SORCS2: variants seen among roughly 807,000 people sequenced by gnomAD.
SORCS2 encodes the protein sortilin related VPS10 domain containing receptor 2, also known as VPS10 domain-containing receptor SorCS2.
A neutral mutation model predicts 141.6 loss-of-function variants in SORCS2; 100 were observed. That is an observed-to-expected ratio of 0.71 (90% confidence interval 0.60 to 0.83). The LOEUF (loss-of-function observed/expected upper bound fraction) is 0.83, where lower values mean the gene tolerates loss of function less well. Ranked by LOEUF, SORCS2 falls within the 40% of genes least tolerant of loss-of-function variation. The probability of loss-of-function intolerance (pLI) is 0.00; values close to 1 mark genes in which losing one functional copy is unlikely to be tolerated. For synonymous variants in SORCS2, 789 were observed against 676.9 expected, an observed-to-expected ratio of 1.17 and a Z score of -2.57; for missense variants, 1,646 against 1,560.2, an observed-to-expected ratio of 1.05 and a Z score of -0.93.
In SORCS2 at chr4:7,325,661, C is replaced by T. The variant is rs893316338; in HGVS notation, c.481-70627C>T. ...CACTATACCTTGGGGACATGCACGG[C>T]GCTCTGGAAGGCCCCTTGGCAGGGC... On this transcript the variant is annotated intron_variant, in intron 1 of 26. Coordinates refer to ENST00000507866, the MANE Select transcript of SORCS2 (RefSeq NM_020777.3). Among the ~76,000 whole-genome samples the T allele has an allele frequency of 5.3e-5, 8 of 152,282 alleles. No individual in the cohort carries two copies. The South Asian group carries it at 8.3e-4, about 16-fold the overall frequency.
At position 7,638,370 on chromosome 4, in the gene SORCS2, CT is replaced by C; in HGVS notation, c.692del (p.Leu231HisfsTer23). On this transcript the variant is annotated frameshift_variant, in exon 4 of 27. Transcript: ENST00000507866. LOFTEE classifies it high-confidence loss of function. ...CTCACTCAGTGACCGGGACCAGAGC[CT>C]ATTCCTCAGCGCAGACGAAGGCGCC... ...SSSLSDRDQS[L>X]FLSADEGATF... 6.5e-7 allele frequency: 1 copy of C among 1,550,134 alleles called. No individual in the cohort carries two copies.
intron 3 of SORCS2, among the ~76,000 whole-genome samples, chr4:7,625,507 G>A (rs1231259550): frequency 6.6e-6 from 1 of 151,928 alleles, no homozygotes; most frequent in East Asian, 1.9e-4. Flanking sequence ...ACTAGAAGGA[G>A]TTCAAGTTCA....
chr4:7,282,184 C>A (rs886943774), intron 1 of SORCS2, among the ~76,000 whole-genome samples: 1 of 152,216 alleles, frequency 6.6e-6, no homozygotes, highest in African/African-American at 2.4e-5. Context: ...ATGGGAAGAT[C>A]CTATCAGTGC....
At chr4:7,428,582 T>A (rs528505924) in intron 2 of SORCS2, among the ~76,000 whole-genome samples, 61 of 152,188 alleles carry the variant, frequency 4.0e-4, no homozygotes, top group African/African-American at 1.4e-3. Flanking sequence ...GAGGTGATGC[T>A]GGGCAGGGTT....
chr4:7,272,435 A>AATCAATG (rs1715204985), intron 1 of SORCS2, among the ~76,000 whole-genome samples: 1 of 152,252 alleles, frequency 6.6e-6, no homozygotes, highest in Non-Finnish European at 1.5e-5. Flanking sequence ...GAGGTCTTAG[A>AATCAATG]ATCAATGAAA....
At chr4:7,396,461 T>A in intron 2 of SORCS2, 106 bp downstream of exon 2, 2 of 1,183,984 alleles carry the variant, frequency 1.7e-6, no homozygotes, top group Non-Finnish European at 2.4e-6. Flanking sequence ...GCAGCCCCTG[T>A]GAGTCAGTGG....
rs534924986 is a variant in SORCS2 at position 7,197,228 on chromosome 4, G to C, written c.480+4102G>C. ...TAAGGGCACCAGTCATATTGGATCA[G>C]GGCTTATTCTAACCACCTCATTTTA... is the stretch of plus-strand genomic sequence containing the variant. On this transcript the variant is annotated intron_variant, in intron 1 of 26. Transcript: ENST00000507866. 3.9e-5 allele frequency among the ~76,000 whole-genome samples: 6 copies of C among 152,254 alleles called. No individual in the cohort carries two copies. In the East Asian group the frequency reaches 1.2e-3, roughly 29 times the overall value.
chr4:7,284,677 G>C (rs2108865648), intron 1 of SORCS2, among the ~76,000 whole-genome samples: 1 of 152,290 alleles, frequency 6.6e-6, no homozygotes. Context: ...GCTCATACAG[G>C]CTGTTTATGG....
At chr4:7,324,135 G>C (rs558234748) in intron 1 of SORCS2, among the ~76,000 whole-genome samples, 2 of 152,360 alleles carry the variant, frequency 1.3e-5, no homozygotes, top group East Asian at 3.9e-4. Flanking sequence ...TTCAAACCCA[G>C]GCAGTCTGGC....
At chr4:7,603,832 C>T (rs1717888631) in intron 3 of SORCS2, among the ~76,000 whole-genome samples, 1 of 152,130 alleles carries the variant, frequency 6.6e-6, no homozygotes, top group Non-Finnish European at 1.5e-5. Flanking sequence ...GCATTGCTAA[C>T]ATGGGGTCTG....
At chr4:7,458,724 G>A (rs1006175112) in intron 2 of SORCS2, among the ~76,000 whole-genome samples, 1 of 152,142 alleles carries the variant, frequency 6.6e-6, no homozygotes, top group Non-Finnish European at 1.5e-5. Context: ...CCAGCCAGGA[G>A]GAGCCCACTG....
intron 2 of SORCS2, among the ~76,000 whole-genome samples, chr4:7,403,720 T>C (rs1399113644): frequency 1.3e-5 from 2 of 151,570 alleles, no homozygotes; most frequent in African/African-American, 4.8e-5. Context: ...CTCATTTAAT[T>C]CCATAATCTT....
At chr4:7,540,277 G>A (rs2109582066) in intron 3 of SORCS2, among the ~76,000 whole-genome samples, 2 of 149,732 alleles carry the variant, frequency 1.3e-5, no homozygotes, top group South Asian at 4.2e-4. Context: ...GGCCCGCCTA[G>A]GGTTTTCCTT....
intron 11 of SORCS2, among the ~76,000 whole-genome samples, chr4:7,693,861 C>T (rs967303049): frequency 1.6e-4 from 24 of 152,232 alleles, no homozygotes; most frequent in Admixed American, 8.5e-4. Context: ...GGGCGAGAAG[C>T]CCTTGGGCCT....
intron 2 of SORCS2, among the ~76,000 whole-genome samples, chr4:7,528,894 C>A (rs1733860912): frequency 6.6e-6 from 1 of 152,180 alleles, no homozygotes; most frequent in South Asian, 2.1e-4. Flanking sequence ...TCTCTCCCAG[C>A]ATCCGGTGGC....
At chr4:7,290,250 C>T (rs1716517906) in intron 1 of SORCS2, among the ~76,000 whole-genome samples, 2 of 152,146 alleles carry the variant, frequency 1.3e-5, no homozygotes, top group Non-Finnish European at 2.9e-5. Flanking sequence ...ACACAGCGCC[C>T]GTCTACCTGG....
intron 4 of SORCS2, among the ~76,000 whole-genome samples, chr4:7,645,220 G>A (rs1314551321): frequency 6.6e-6 from 1 of 152,154 alleles, no homozygotes; most frequent in Non-Finnish European, 1.5e-5. Context: ...AAGGGTGCCT[G>A]GCCTGAGTCA....
At chr4:7,721,192 C>T (rs930928289) in intron 18 of SORCS2, among the ~76,000 whole-genome samples, 3 of 152,174 alleles carry the variant, frequency 2.0e-5, no homozygotes, top group Non-Finnish European at 4.4e-5. Flanking sequence ...GGGCCCAGCA[C>T]GGTGTCTCAC....
At chr4:7,458,074 C>T (rs1163305759) in intron 2 of SORCS2, among the ~76,000 whole-genome samples, 2 of 152,204 alleles carry the variant, frequency 1.3e-5, no homozygotes, top group East Asian at 3.9e-4. Flanking sequence ...CCCAACTCCC[C>T]TCAGGGGTGC....
Sources: allele counts gnomAD v4.1 joint callset (sites outside exome capture counted in the v4.1 genomes callset), GRCh38; gene constraint gnomAD v4.1.1; transcripts MANE v1.5; gene names NCBI Gene and HGNC (gene_info 2026-07-23, HGNC 2026-07-21).